Variants in ACTR3C observed in about 807,000 individuals in gnomAD.
ACTR3C encodes the protein actin-related protein 3C.
Under a neutral mutation model 26.3 loss-of-function variants are expected in ACTR3C, and 18 were observed. The ratio of observed to expected loss-of-function variants is 0.68; its 90% CI spans 0.47 to 1.01. The LOEUF (loss-of-function observed/expected upper bound fraction) is 1.01, where lower values mean the gene tolerates loss of function less well. Among genes scored for constraint, ACTR3C ranks in the 50% least tolerant of loss-of-function variants. ACTR3C has a pLI of 0.00. For synonymous variants in ACTR3C, 55 were observed against 94.5 expected (o/e 0.58, Z 2.42); for missense variants, 184 against 250.7 (o/e 0.73, Z 1.80).
chr7:149,994,918 G>C, the ACTR3C span, among the ~76,000 whole-genome samples: 3 of 148,044 alleles, frequency 2.0e-5, no homozygotes, highest in African/African-American at 7.5e-5. Context: ...GCAATGGAGT[G>C]ATCTCGGCTC....
At chr7:150,138,642 C>T in the ACTR3C span, among the ~76,000 whole-genome samples, 2 of 152,120 alleles carry the variant, frequency 1.3e-5, no homozygotes, top group Non-Finnish European at 2.9e-5. Context: ...CCATTTCTTT[C>T]CCCCCAGCTC....
chr7:150,036,165 C>A, the ACTR3C span, among the ~76,000 whole-genome samples: 11 of 72,220 alleles, frequency 1.5e-4, 1 homozygote, highest in East Asian at 1.1e-3. Flanking sequence ...GGTGCCTCCC[C>A]CCCCGCGATG....
At chr7:150,044,274 C>G in the ACTR3C span, among the ~76,000 whole-genome samples, 2 of 152,138 alleles carry the variant, frequency 1.3e-5, no homozygotes, top group Non-Finnish European at 2.9e-5. Context: ...TAATAAATTC[C>G]ACTAAAAGTC....
the ACTR3C span, among the ~76,000 whole-genome samples, chr7:150,188,285 A>G: frequency 6.6e-6 from 1 of 152,070 alleles, no homozygotes; most frequent in South Asian, 2.1e-4. Flanking sequence ...TGCTTCATGC[A>G]TCAGAAATTC....
chr7:150,108,390 T>C, the ACTR3C span, among the ~76,000 whole-genome samples: 1 of 151,706 alleles, frequency 6.6e-6, no homozygotes, highest in Non-Finnish European at 1.5e-5. Flanking sequence ...AAGTAAGTTA[T>C]TGTTGATAAA....
chr7:149,949,529 T>C, the ACTR3C span, among the ~76,000 whole-genome samples: 73 of 147,906 alleles, frequency 4.9e-4, 14 homozygotes, highest in African/African-American at 1.9e-3. Context: ...GCCTTTAGTC[T>C]TATGTTCACG....
the ACTR3C span, among the ~76,000 whole-genome samples, chr7:150,043,995 A>C: frequency 2.6e-5 from 4 of 152,214 alleles, no homozygotes; most frequent in Non-Finnish European, 4.4e-5. Flanking sequence ...AGGCTGGTGG[A>C]CATCATGGGT....
chr7:149,895,094 C>T, the ACTR3C span, among the ~76,000 whole-genome samples: 1 of 151,774 alleles, frequency 6.6e-6, no homozygotes, highest in East Asian at 1.9e-4. Context: ...CTGCCCACAA[C>T]ATGGATGAAC....
At chr7:150,242,420 C>T (rs755875838), downstream of ACTR3C, among the ~76,000 whole-genome samples, 4 of 150,616 alleles carry the variant, frequency 2.7e-5, no homozygotes, top group South Asian at 2.1e-4. Flanking sequence ...GGGAGCTTTT[C>T]GGAGTTGGGA....
At chr7:150,113,928 T>A in the ACTR3C span, among the ~76,000 whole-genome samples, 2 of 152,160 alleles carry the variant, frequency 1.3e-5, no homozygotes, top group Non-Finnish European at 2.9e-5. Flanking sequence ...TTTCTCAGTA[T>A]CTACTTCTGG....
chr7:150,002,944 A>G, the ACTR3C span: 1 of 152,198 alleles, frequency 6.6e-6, no homozygotes, highest in Non-Finnish European at 1.5e-5. Context: ...CCCTACCCAC[A>G]CCCACACCAC....
At chr7:150,093,705 C>T in the ACTR3C span, among the ~76,000 whole-genome samples, 20 of 150,610 alleles carry the variant, frequency 1.3e-4, 1 homozygote, top group East Asian at 5.8e-4. Context: ...ATCTTCTCAG[C>T]GGAGCAGCTG....
chr7:150,042,932 A>T, the ACTR3C span, among the ~76,000 whole-genome samples: 2 of 150,424 alleles, frequency 1.3e-5, no homozygotes, highest in Non-Finnish European at 3.0e-5. Flanking sequence ...CCTTTAACTA[A>T]TGAAAGACTC....
At chr7:150,177,799 C>T in the ACTR3C span, among the ~76,000 whole-genome samples, 1,601 of 150,692 alleles carry the variant, frequency 0.011, 27 homozygotes, top group Middle Eastern at 0.034. Flanking sequence ...ATCTGACTAC[C>T]TCATTAGGTA....
chr7:150,291,343 C>T lies in ACTR3C; in HGVS notation c.154-1750G>A, dbSNP rs572694892. Among the ~76,000 whole-genome samples the T allele has an allele frequency of 9.9e-5, 15 of 152,216 alleles. No individual in the cohort carries two copies. The South Asian group carries it at 3.1e-3, about 32-fold the overall frequency. ...ACTCAGGAGGCTGAGGCAGGAGAAT[C>T]GCTTGAACCTGGGAGGCAGAGGTTG... On this transcript the variant is annotated intron_variant, in intron 3 of 7. Transcript: ENST00000683684.
chr7:150,035,150 G>T, the ACTR3C span, among the ~76,000 whole-genome samples: 50 of 140,576 alleles, frequency 3.6e-4, 2 homozygotes, highest in Non-Finnish European at 4.8e-4. Flanking sequence ...ATCAACGATG[G>T]GGGTCCTAAG....
chr7:150,053,443 G>C, the ACTR3C span, among the ~76,000 whole-genome samples: 1 of 152,246 alleles, frequency 6.6e-6, no homozygotes, highest in Non-Finnish European at 1.5e-5. Flanking sequence ...GGTGATGGCT[G>C]CATTCAGAAA....
chr7:150,135,170 G>A, the ACTR3C span, among the ~76,000 whole-genome samples: 1 of 152,264 alleles, frequency 6.6e-6, no homozygotes, highest in Non-Finnish European at 1.5e-5. Context: ...TACTCGGGAG[G>A]CTGAGGCAGG....
intron 6 of ACTR3C, among the ~76,000 whole-genome samples, chr7:150,252,839 A>G (rs1303788717): frequency 6.6e-6 from 1 of 152,198 alleles, no homozygotes; most frequent in Non-Finnish European, 1.5e-5. Context: ...TTAAGGTAAA[A>G]TAATGCCTGT....
Sources: allele counts gnomAD v4.1 joint callset (sites outside exome capture counted in the v4.1 genomes callset), GRCh38; gene constraint gnomAD v4.1.1; transcripts MANE v1.5; gene names NCBI Gene and HGNC (gene_info 2026-07-23, HGNC 2026-07-21).